Variants in SNRPN observed in about 807,000 individuals in gnomAD.
SNRPN encodes the protein small nuclear ribonucleoprotein polypeptide N.
A neutral mutation model predicts 25.2 loss-of-function variants in SNRPN; 7 were observed. That is an observed-to-expected ratio of 0.28 (90% CI 0.16 to 0.52). The LOEUF is 0.52. Among genes scored for constraint, SNRPN ranks in the 20% least tolerant of loss-of-function variants. The pLI, the probability that SNRPN is intolerant of heterozygous loss-of-function variation, is 0.96. For synonymous variants in SNRPN, 124 were observed against 110.6 expected, an observed-to-expected ratio of 1.12 and a Z score of -0.76; for missense variants, 196 against 322.5, an observed-to-expected ratio of 0.61 and a Z score of 3.00.
rs1566908500 is a variant in SNRPN, at chr15:24,918,357, T to TATATATATGTGTATATATATAACATA, written c.-504-1608_-504-1583dup. 2.2e-4 allele frequency among the ~76,000 whole-genome samples: 11 copies of TATATATATGTGTATATATATAACATA among 50,910 alleles called. 4 individuals are homozygous for TATATATATGTGTATATATATAACATA. Among genetic ancestry groups the TATATATATGTGTATATATATAACATA allele is most frequent in the Non-Finnish European group, 2.7e-4 (7 of 25,644 alleles). The allele number at this position is 50,910 out of a possible 152,430, so 33.4% of individuals were successfully genotyped here. A position where few individuals can be genotyped will look rare whatever the true frequency, so the allele number is the denominator to read the frequency against. On this transcript the variant is annotated intron_variant, in intron 2 of 11. Transcript: ENST00000400097. ...ATATATGTGTATATATATATAACAT[T>TATATATATGTGTATATATATAACATA]ATATATATGTGTATATATATAACAT... is the stretch of plus-strand genomic sequence containing the variant.
chr15:24,972,990 C>T (rs548374166), intron 3 of SNRPN, among the ~76,000 whole-genome samples: 8 of 152,216 alleles, frequency 5.3e-5, no homozygotes, highest in African/African-American at 1.4e-4. Context: ...TGGTTTCAAG[C>T]GATTCTCCTG....
chr15:24,978,654 G>A lies in SNRPN; in HGVS notation c.*210G>A, dbSNP rs1477433452. 1.5e-5 allele frequency: 9 copies of A among 591,158 alleles called. No homozygotes were observed. Among genetic ancestry groups the A allele is most frequent in the Admixed American group, 3.1e-5 (1 of 32,336 alleles). The allele number at this position is 591,158 out of a possible 1,614,324, so 36.6% of individuals were successfully genotyped here. Reference sequence around the variant, plus strand: ...TTAAGTTACTGTGGATGAGGGTGATGCCTATTAAGCAGTTGATTCAAATCA... The same window carrying A: ...TTAAGTTACTGTGGATGAGGGTGATACCTATTAAGCAGTTGATTCAAATCA... On this transcript the variant is annotated 3_prime_UTR_variant, in exon 10 of 10. Transcript: ENST00000390687.
rs752792774 is a variant in SNRPN at position 24,962,203 on chromosome 15, A to T, written c.-301A>T. The T allele has an allele frequency of 6.2e-7, 1 of 1,613,526 alleles. No individual in the cohort carries two copies. The highest frequency in any genetic ancestry group is 1.1e-5 in the South Asian group (1 of 91,072). On this transcript the variant is annotated 5_prime_UTR_variant, in exon 2 of 10. Coordinates refer to ENST00000390687, the MANE Select transcript of SNRPN (RefSeq NM_003097.6). Reference sequence around the variant, plus strand: ...CGCAGAAGGACTGCCTCACTGAGCAACCAAGAGTGAGTACAGACTGTGTTG... The same window carrying T: ...CGCAGAAGGACTGCCTCACTGAGCATCCAAGAGTGAGTACAGACTGTGTTG...
chr15:24,966,516 C>T (rs927667810), intron 2 of SNRPN, among the ~76,000 whole-genome samples: 1 of 152,120 alleles, frequency 6.6e-6, no homozygotes, highest in Non-Finnish European at 1.5e-5. Context: ...CCTGCCCTCC[C>T]AGGAGGGCTT....
rs1366441359 is a variant in SNRPN at position 24,977,915 on chromosome 15, A to G, written c.558A>G (p.Pro186=). 1.9e-6 allele frequency: 3 copies of G among 1,559,714 alleles called. No homozygotes were observed. The South Asian group carries it at 3.6e-5, about 19-fold the overall frequency. ...CCGTCGGCAGAGCAACCCCACCTCC[A>G]GGTAAGGGATTGGTGAACACGAAGA... ...PPPVGRATPP[P]GIMAPPPGMR... Residue 186 remains proline, a splice_region_variant and synonymous_variant, in exon 8 of 10, where the codon CCA becomes CCG. Transcript: ENST00000390687.
At chr15:24,834,751 C>CTCTATATATATATATATATATATATA in intron 2 of SNRPN, among the ~76,000 whole-genome samples, 1 of 60,956 alleles carries the variant, frequency 1.6e-5, no homozygotes, top group Non-Finnish European at 3.3e-5. Context: ...CTCTCTCTCT[C>CTCTATATATATATATATATATATATA]TATATATATA....
At chr15:24,869,658 A>G (rs1230167148) in intron 1 of SNRPN, among the ~76,000 whole-genome samples, 1 of 152,174 alleles carries the variant, frequency 6.6e-6, no homozygotes, top group Non-Finnish European at 1.5e-5. Flanking sequence ...TAACCACATC[A>G]TATCACGGGT....
intron 2 of SNRPN, among the ~76,000 whole-genome samples, chr15:24,904,640 G>A (rs2058681601): frequency 6.6e-6 from 1 of 151,136 alleles, no homozygotes; most frequent in African/African-American, 2.4e-5. Flanking sequence ...GGGCAACAGA[G>A]CAAGACTCCC....
intron 3 of SNRPN, among the ~76,000 whole-genome samples, chr15:24,942,074 G>A (rs976899198): frequency 1.3e-5 from 2 of 152,122 alleles, no homozygotes; most frequent in African/African-American, 2.4e-5. Context: ...CACCGTGCCC[G>A]GCCTAGATGG....
chr15:24,974,282 G>T (rs2076812559), intron 3 of SNRPN, 29 bp from the exon 4 acceptor site: 2 of 642,966 alleles, frequency 3.1e-6, no homozygotes, highest in Non-Finnish European at 5.6e-6. Context: ...GTAGATTGCA[G>T]TGCAGCTTTA....
intron 1 of SNRPN, among the ~76,000 whole-genome samples, chr15:24,869,389 C>CCTT (rs1231842984): frequency 6.6e-6 from 1 of 152,096 alleles, no homozygotes; most frequent in African/African-American, 2.4e-5. Flanking sequence ...TATACATTAT[C>CCTT]CTTCTCTATG....
At chr15:24,841,644 G>C (rs571203490) in intron 2 of SNRPN, among the ~76,000 whole-genome samples, 15 of 152,264 alleles carry the variant, frequency 9.9e-5, no homozygotes, top group African/African-American at 3.6e-4. Context: ...ATTCTTAACT[G>C]TGTCAATCAG....
chr15:24,876,034 G>A (rs7176184), intron 1 of SNRPN, among the ~76,000 whole-genome samples: 122,313 of 150,344 alleles, frequency 0.81, 49,978 homozygotes, highest in East Asian at 0.98. Context: ...AGCTTGGGCA[G>A]CAGAGTGATA....
At chr15:24,954,578 G>T (rs2062537780), upstream of SNRPN, among the ~76,000 whole-genome samples, 1 of 152,190 alleles carries the variant, frequency 6.6e-6, no homozygotes, top group Non-Finnish European at 1.5e-5. Flanking sequence ...TATTTGCATT[G>T]ATTGTGGTTA....
chr15:24,957,617 G>C (rs895394808), intron 1 of SNRPN, among the ~76,000 whole-genome samples: 1 of 152,070 alleles, frequency 6.6e-6, no homozygotes, highest in Non-Finnish European at 1.5e-5. Flanking sequence ...GCACTGAGTT[G>C]TAATTAACAG....
intron 2 of SNRPN, among the ~76,000 whole-genome samples, chr15:24,837,249 GT>G (rs1171417888): frequency 6.6e-6 from 1 of 151,942 alleles, no homozygotes; most frequent in Non-Finnish European, 1.5e-5. Context: ...TTGGGCAAGC[GT>G]TAAGTCTGAA....
In SNRPN at chr15:24,974,461, G is replaced by A. The variant is rs746504587; in HGVS notation, c.3+5G>A. ...TTTGGTGGAACAGCAATCATGGTAA[G>A]CTGTATGATAAGGCTGAGGGTTGAA... On this transcript the variant is annotated splice_donor_5th_base_variant and intron_variant, in intron 4 of 9. Coordinates refer to ENST00000390687, the MANE Select transcript of SNRPN (RefSeq NM_003097.6). 1 of 1,613,858 alleles carries A rather than the reference G, an allele frequency of 6.2e-7. No individual in the cohort carries two copies. Among genetic ancestry groups the A allele is most frequent in the Non-Finnish European group, 8.5e-7 (1 of 1,179,780 alleles).
rs567896219 is a variant in SNRPN at position 24,978,365 on chromosome 15, A to G, written c.686-42A>G. ...TGATGGTTCAGCCAGGCCCCTGAAT[A>G]TGTGTATCCTCTTTTTCTCAATGTT... On this transcript the variant is annotated intron_variant, in intron 9 of 9. Coordinates refer to ENST00000390687, the MANE Select transcript of SNRPN (RefSeq NM_003097.6). 8.6e-5 allele frequency: 138 copies of G among 1,613,718 alleles called. 3 individuals are homozygous for G. In the South Asian group the frequency reaches 1.3e-3, roughly 15 times the overall value.
rs113222108 is a variant in SNRPN at position 24,824,001 on chromosome 15, C to T, written c.-687+151C>T. On this transcript the variant is annotated intron_variant, in intron 1 of 12. Coordinates refer to the SNRPN transcript ENST00000400100. ...GCTATCATAATCATTTTTCGAAATA[C>T]ATATTTAATTATTTTCATCTGTTCA... 3.6e-3 allele frequency among the ~76,000 whole-genome samples: 546 copies of T among 152,130 alleles called. 8 individuals carry two copies. The highest frequency in any genetic ancestry group is 0.012 in the African/African-American group (482 of 41,440).
Sources: allele counts gnomAD v4.1 joint callset (sites outside exome capture counted in the v4.1 genomes callset), GRCh38; gene constraint gnomAD v4.1.1; transcripts MANE v1.5; gene names NCBI Gene and HGNC (gene_info 2026-07-23, HGNC 2026-07-21).